CEP290: variants seen among roughly 807,000 people sequenced by gnomAD.
The protein encoded by CEP290 is centrosomal protein of 290 kDa.
In CEP290, 317 loss-of-function variants were observed where a neutral mutation model predicts 344.9. That is an observed-to-expected ratio of 0.92 (90% CI 0.84 to 1.01). CEP290 has a LOEUF of 1.01. CEP290 is among the 50% of genes least tolerant of loss of function. The probability of loss-of-function intolerance (pLI) is 0.00; values close to 1 mark genes in which losing one functional copy is unlikely to be tolerated. For synonymous variants in CEP290, 932 were observed against 895.8 expected (o/e 1.04, Z -0.72); for missense variants, 2,754 against 2,761.4 (o/e 1.00, Z 0.06).
At position 88,059,065 on chromosome 12, in the gene CEP290, T is replaced by C. The variant is rs1388595953; in HGVS notation, c.6646-45A>G. 2.8e-6 allele frequency: 4 copies of C among 1,453,178 alleles called. No individual in the cohort carries two copies. The Admixed American group carries it at 8.3e-5, about 30-fold the overall frequency. 90.0% of individuals were successfully genotyped at this position (1,453,178 alleles called of 1,614,324 possible). On this transcript the variant is annotated intron_variant, in intron 48 of 53. Coordinates refer to ENST00000552810, the MANE Select transcript of CEP290 (RefSeq NM_025114.4). ...AGTATTTTATGAGAAAACATAATACTGTTCTCATAGATTCAGTGTATTCAA... is the reference window on the plus strand; with the variant it reads ...AGTATTTTATGAGAAAACATAATACCGTTCTCATAGATTCAGTGTATTCAA...
rs576709242 is a variant in CEP290, at chr12:88,095,457, G to C, written c.3103+1431C>G. Among the ~76,000 whole-genome samples, 3 of 152,058 alleles carry C rather than the reference G, an allele frequency of 2.0e-5. No homozygotes were observed. The South Asian group carries it at 6.2e-4, about 32-fold the overall frequency. ...TGTAAAAATTAAAGAATTTCTGTAG[G>C]GAATTCAGCATTTATTAAAAATAAA... is the stretch of plus-strand genomic sequence containing the variant. On this transcript the variant is annotated intron_variant, in intron 27 of 53. Coordinates refer to ENST00000552810, the MANE Select transcript of CEP290 (RefSeq NM_025114.4).
chr12:88,057,057 A>C (rs887019686), intron 49 of CEP290, among the ~76,000 whole-genome samples: 8 of 152,264 alleles, frequency 5.3e-5, no homozygotes, highest in Non-Finnish European at 8.8e-5. Flanking sequence ...CAGACGAAAA[A>C]CACGTATATG....
intron 26 of CEP290, 30 bp from the exon 27 acceptor site, chr12:88,097,029 C>T (rs1398754791): frequency 3.5e-6 from 4 of 1,141,118 alleles, no homozygotes; most frequent in Non-Finnish European, 5.1e-6. Context: ...CACTAAGAAA[C>T]TACATTGTAA....
chr12:88,113,352 G>T (rs879882351), intron 20 of CEP290, among the ~76,000 whole-genome samples: 6 of 151,956 alleles, frequency 3.9e-5, no homozygotes, highest in Non-Finnish European at 5.9e-5. Context: ...CATTCAAAGT[G>T]GCAGAGGCAA....
chr12:88,094,181 G>C (rs1256619680), intron 27 of CEP290, among the ~76,000 whole-genome samples: 1 of 151,256 alleles, frequency 6.6e-6, no homozygotes, highest in Admixed American at 6.6e-5. Context: ...GGAACTTAAT[G>C]TTCTTCATCA....
intron 49 of CEP290, chr12:88,058,641 C>T: frequency 1.7e-6 from 1 of 597,764 alleles, no homozygotes; most frequent in Non-Finnish European, 2.9e-6. Context: ...GCCCTGCCAC[C>T]CAAACAAGGT....
intron 47 of CEP290, among the ~76,000 whole-genome samples, 163 bp downstream of exon 47, chr12:88,060,667 T>C (rs1020572622): frequency 1.3e-5 from 2 of 152,198 alleles, no homozygotes; most frequent in Non-Finnish European, 1.5e-5. Context: ...ACCTACTCTA[T>C]AACCCTTAGC....
At chr12:88,050,890 T>C (rs896398089) in intron 52 of CEP290, among the ~76,000 whole-genome samples, 2 of 152,154 alleles carry the variant, frequency 1.3e-5, no homozygotes, top group Non-Finnish European at 2.9e-5. Context: ...GCAAAACGTG[T>C]CATGCAGGCT....
intron 26 of CEP290, 98 bp from the exon 27 acceptor site, chr12:88,097,097 C>T (rs2037486620): frequency 1.5e-6 from 1 of 662,036 alleles, no homozygotes; most frequent in Non-Finnish European, 2.6e-6. Flanking sequence ...CTCCTTAAAA[C>T]TCACAATCCA....
At position 88,130,301 on chromosome 12, in the gene CEP290, GT is replaced by G. The variant is rs769091629; in HGVS notation, c.635del (p.Asn212ThrfsTer14). On this transcript the variant is annotated frameshift_variant, in exon 9 of 54. Coordinates refer to ENST00000552810, the MANE Select transcript of CEP290 (RefSeq NM_025114.4). LOFTEE classifies it high-confidence loss of function. The stretch of plus-strand genomic sequence containing the variant: ...CATCAAGATATTGGATAAGCTCATA[GT>G]TTTTTTTAGACAACTGTGATCGGTA... ...SDYRSQLSKKNYELIQYLDEI... is the reference protein window; with the variant it reads ...SDYRSQLSKKXYELIQYLDEI... The G allele has an allele frequency of 3.1e-6, 5 of 1,605,120 alleles. No homozygotes were observed. Among genetic ancestry groups the G allele is most frequent in the Admixed American group, 1.7e-5 (1 of 58,410 alleles).
intron 47 of CEP290, 108 bp downstream of exon 47, chr12:88,060,722 G>A (rs909607407): frequency 2.2e-5 from 17 of 755,872 alleles, no homozygotes; most frequent in Middle Eastern, 7.7e-4. Context: ...AATATGTATT[G>A]TATTCATTAA....
At chr12:88,052,002 A>G (rs989372134) in intron 52 of CEP290, among the ~76,000 whole-genome samples, 1 of 152,214 alleles carries the variant, frequency 6.6e-6, no homozygotes, top group Non-Finnish European at 1.5e-5. Flanking sequence ...TAGCTGGCTT[A>G]GGGAATGGTT....
intron 27 of CEP290, among the ~76,000 whole-genome samples, chr12:88,094,625 T>C (rs749124337): frequency 8.3e-4 from 127 of 152,142 alleles, no homozygotes; most frequent in Non-Finnish European, 1.6e-3. Context: ...AAAGCCTCAA[T>C]TTACCATAAA....
At chr12:88,089,973 C>A (rs1482447558) in intron 30 of CEP290, among the ~76,000 whole-genome samples, 2 of 152,126 alleles carry the variant, frequency 1.3e-5, no homozygotes, top group African/African-American at 2.4e-5. Flanking sequence ...GATCCGCCTG[C>A]CTCGGCCTCC....
In CEP290 at chr12:88,106,750, A is replaced by G. The variant is rs369775246; in HGVS notation, c.2742T>C (p.Asn914=). Reference sequence around the variant, plus strand: ...ACAACAATTCATTCTTTTGCTTCTCATTTTCTTTTCTAAGTTGTCGCTCCA... The same window carrying G: ...ACAACAATTCATTCTTTTGCTTCTCGTTTTCTTTTCTAAGTTGTCGCTCCA... The part of the protein sequence containing the change: ...VELERQLRKE[N]EKQKNELLSM... Residue 914 remains asparagine, a synonymous_variant, in exon 25 of 54, where the codon AAT becomes AAC. Coordinates refer to ENST00000552810, the MANE Select transcript of CEP290 (RefSeq NM_025114.4). 1 of 1,611,244 alleles carries G rather than the reference A, an allele frequency of 6.2e-7. No individual in the cohort carries two copies. The highest frequency in any genetic ancestry group is 8.5e-7 in the Non-Finnish European group (1 of 1,178,648).
chr12:88,067,937 T>A (rs1381162289), intron 44 of CEP290, among the ~76,000 whole-genome samples: 1 of 152,236 alleles, frequency 6.6e-6, no homozygotes, highest in Non-Finnish European at 1.5e-5. Context: ...TGCCATGATC[T>A]TTTTTGGTTC....
intron 20 of CEP290, among the ~76,000 whole-genome samples, chr12:88,112,739 T>A (rs1323177577): frequency 6.6e-6 from 1 of 152,022 alleles, no homozygotes; most frequent in African/African-American, 2.4e-5. Context: ...GGTAGTAGAT[T>A]TGTAAAAGCC....
intron 6 of CEP290, among the ~76,000 whole-genome samples, chr12:88,131,653 T>A (rs1311102017): frequency 6.6e-6 from 1 of 152,160 alleles, no homozygotes; most frequent in Admixed American, 6.6e-5. Context: ...TTAAAGCTAT[T>A]AAGGATTTAA....
At position 88,049,097 on chromosome 12, in the gene CEP290, T is replaced by C. The variant is rs2033211314; in HGVS notation, c.*87A>G. The C allele has an allele frequency of 4.2e-6, 3 of 706,892 alleles. No homozygotes were observed. The highest frequency in any genetic ancestry group is 7.1e-6 in the Non-Finnish European group (3 of 425,034). 43.8% of individuals were successfully genotyped at this position (706,892 alleles called of 1,614,324 possible). On this transcript the variant is annotated 3_prime_UTR_variant, in exon 54 of 54. Transcript: ENST00000552810. ...GTACAAGGTAGTGAGAAGGAAATAC[T>C]ACAGTTCGGAGAACTGCTTATTTCC...
Sources: allele counts gnomAD v4.1 joint callset (sites outside exome capture counted in the v4.1 genomes callset), GRCh38; gene constraint gnomAD v4.1.1; transcripts MANE v1.5; gene names NCBI Gene and HGNC (gene_info 2026-07-23, HGNC 2026-07-21).